The following RBFOX1 variants were observed in gnomAD, a reference collection of about 807,000 sequenced individuals.
RBFOX1 encodes RNA binding protein fox-1 homolog 1.
RBFOX1 carries 8 observed loss-of-function variants against 57.7 expected under a neutral mutation model. The observed-to-expected ratio is 0.14, with a 90% CI of 0.08 to 0.25. RBFOX1 has a LOEUF of 0.25. Ranked by LOEUF, RBFOX1 falls within the 10% of genes least tolerant of loss-of-function variation. The pLI is 1.00. For synonymous variants in RBFOX1, 326 were observed against 222.4 expected (o/e 1.47, Z -4.15); for missense variants, 611 against 548.5 (o/e 1.11, Z -1.14).
chr16:6,406,417 A>G (rs904642097), intron 2 of RBFOX1, among the ~76,000 whole-genome samples: 2 of 152,154 alleles, frequency 1.3e-5, no homozygotes, highest in Non-Finnish European at 2.9e-5. Flanking sequence ...AACTTAGACA[A>G]ATATGGAAGT....
chr16:6,750,009 A>G (rs1188197031), intron 3 of RBFOX1, among the ~76,000 whole-genome samples: 1 of 152,122 alleles, frequency 6.6e-6, no homozygotes, highest in Non-Finnish European at 1.5e-5. Flanking sequence ...TCTGTCTAGC[A>G]GTCTTGGGTT....
At chr16:7,322,960 C>T (rs1471140273) in intron 4 of RBFOX1, among the ~76,000 whole-genome samples, 1 of 152,128 alleles carries the variant, frequency 6.6e-6, no homozygotes, top group Non-Finnish European at 1.5e-5. Context: ...TTCCTGAAGA[C>T]TCAGTGGTGG....
At chr16:6,837,236 C>A (rs940462626) in intron 3 of RBFOX1, among the ~76,000 whole-genome samples, 3 of 152,192 alleles carry the variant, frequency 2.0e-5, no homozygotes, top group Non-Finnish European at 2.9e-5. Flanking sequence ...CGTGTTTTAA[C>A]ACTTGCATAT....
chr16:7,480,259 G>C (rs2063614432), intron 4 of RBFOX1, among the ~76,000 whole-genome samples: 1 of 152,138 alleles, frequency 6.6e-6, no homozygotes, highest in Non-Finnish European at 1.5e-5. Flanking sequence ...TAGGGTTTTG[G>C]CTAGAGCAAG....
At chr16:6,859,936 ATTG>A (rs2058706772) in intron 3 of RBFOX1, among the ~76,000 whole-genome samples, 1 of 152,188 alleles carries the variant, frequency 6.6e-6, no homozygotes, top group Non-Finnish European at 1.5e-5. Context: ...AAATTAATGA[ATTG>A]AGACAGCTGA....
At chr16:5,678,599 C>G (rs572296341) in intron 3 of RBFOX1, among the ~76,000 whole-genome samples, 141 of 152,308 alleles carry the variant, frequency 9.3e-4, no homozygotes, top group African/African-American at 3.2e-3. Context: ...ATTGCTTCCT[C>G]TGGGTGCTTG....
intron 3 of RBFOX1, among the ~76,000 whole-genome samples, chr16:5,792,902 A>G (rs978461669): frequency 2.6e-5 from 4 of 152,174 alleles, no homozygotes; most frequent in Non-Finnish European, 5.9e-5. Flanking sequence ...GAAGTGGATT[A>G]TTTTAAAGGT....
chr16:5,970,052 C>G (rs1019475978), intron 4 of RBFOX1, among the ~76,000 whole-genome samples: 1 of 152,102 alleles, frequency 6.6e-6, no homozygotes, highest in Non-Finnish European at 1.5e-5. Flanking sequence ...GATTGGCACT[C>G]TACACATTGC....
chr16:6,616,593 A>G (rs964502395), intron 2 of RBFOX1, among the ~76,000 whole-genome samples: 1 of 152,162 alleles, frequency 6.6e-6, no homozygotes, highest in Non-Finnish European at 1.5e-5. Context: ...GGAGAATAGC[A>G]TGAACCTGGA....
rs575400284 is a variant in RBFOX1, at chr16:6,943,850, C to G, written c.-15-108207C>G. On this transcript the variant is annotated intron_variant, in intron 3 of 15. Transcript: ENST00000550418. ...AGGCAAACGCTGAGCTGTAACCATT[C>G]TAGCTTTTTCTGTACCTCACTGCTG... is the stretch of plus-strand genomic sequence containing the variant. Among the ~76,000 whole-genome samples, 18 of 152,216 alleles carry G rather than the reference C, an allele frequency of 1.2e-4. 1 individual carries two copies. Among genetic ancestry groups the G allele is most frequent in the African/African-American group, 3.9e-4 (16 of 41,538 alleles).
chr16:5,655,370 G>C (rs2049391414), intron 3 of RBFOX1, among the ~76,000 whole-genome samples: 3 of 152,184 alleles, frequency 2.0e-5, no homozygotes, highest in South Asian at 4.1e-4. Context: ...AGAATGGAAA[G>C]ACATCAAGCA....
intron 3 of RBFOX1, among the ~76,000 whole-genome samples, chr16:5,847,820 G>C (rs1597474943): frequency 1.3e-5 from 2 of 152,182 alleles, no homozygotes; most frequent in Admixed American, 1.3e-4. Flanking sequence ...GAAGACTGTA[G>C]GGTGTTTCGC....
chr16:7,217,357 C>A (rs995162450), intron 4 of RBFOX1, among the ~76,000 whole-genome samples: 1 of 138,612 alleles, frequency 7.2e-6, no homozygotes, highest in African/African-American at 2.7e-5. Flanking sequence ...TGTTGAACTC[C>A]TGACCTTAGG....
chr16:6,772,014 T>A (rs1032002053), intron 3 of RBFOX1, among the ~76,000 whole-genome samples: 1 of 152,174 alleles, frequency 6.6e-6, no homozygotes, highest in Non-Finnish European at 1.5e-5. Flanking sequence ...TTTCTGCCAT[T>A]CCAGTAAATT....
At chr16:5,723,852 C>G (rs1329328244) in intron 3 of RBFOX1, among the ~76,000 whole-genome samples, 1 of 152,206 alleles carries the variant, frequency 6.6e-6, no homozygotes, top group Non-Finnish European at 1.5e-5. Flanking sequence ...GGACCTTGCA[C>G]CATTGTTTTC....
At chr16:5,275,516 A>C (rs1177792360) in intron 1 of RBFOX1, among the ~76,000 whole-genome samples, 1 of 152,162 alleles carries the variant, frequency 6.6e-6, no homozygotes, top group Admixed American at 6.5e-5. Flanking sequence ...ACTACAAAAC[A>C]CTGCTGAAAG....
intron 3 of RBFOX1, among the ~76,000 whole-genome samples, chr16:5,633,178 C>A (rs1186031800): frequency 1.3e-5 from 2 of 151,984 alleles, no homozygotes; most frequent in East Asian, 1.9e-4. Flanking sequence ...ACCTCGTGAT[C>A]CAGCTGCCTC....
At chr16:6,660,188 C>T (rs373485600) in intron 3 of RBFOX1, among the ~76,000 whole-genome samples, 1 of 151,200 alleles carries the variant, frequency 6.6e-6, no homozygotes, top group Admixed American at 6.6e-5. Context: ...CTCGCCATTG[C>T]CCTTCAGCCT....
chr16:6,888,983 C>G (rs1386092291), intron 3 of RBFOX1, among the ~76,000 whole-genome samples: 3 of 152,152 alleles, frequency 2.0e-5, no homozygotes, highest in Admixed American at 6.5e-5. Flanking sequence ...TTTTCTGTTT[C>G]TTAAGCCTGT....
Sources: gnomAD v4.1 joint callset for allele counts (sites outside exome capture counted in the v4.1 genomes callset) on GRCh38, gnomAD v4.1.1 for gene constraint, MANE v1.5 for transcripts, NCBI Gene and HGNC (gene_info 2026-07-23, HGNC 2026-07-21) for gene names.